The following JPT2 variants were observed in gnomAD, a reference collection of about 807,000 sequenced individuals.
The protein encoded by JPT2 is Jupiter microtubule associated homolog 2.
In JPT2, 9 loss-of-function variants were observed where a neutral mutation model predicts 15.9. That is an observed-to-expected ratio of 0.57 (90% CI 0.34 to 0.99). The LOEUF is 0.99. JPT2 is among the 50% of genes least tolerant of loss of function. The probability of loss-of-function intolerance (pLI) is 0.02; values close to 1 mark genes in which losing one functional copy is unlikely to be tolerated. For missense variants in JPT2, 267 were observed against 252.1 expected (o/e 1.06, Z -0.40); for synonymous variants, 95 against 91.7 (o/e 1.04, Z -0.21).
Position 1,702,078 on chromosome 16 carries a change from T to G in JPT2, c.*3080T>G, listed in dbSNP as rs2037183829. 1 of 452,070 alleles carries G rather than the reference T, an allele frequency of 2.2e-6. No homozygotes were observed. The allele number at this position is 452,070 out of a possible 1,614,324, so 28.0% of individuals were successfully genotyped here. A position where few individuals can be genotyped will look rare whatever the true frequency, so the allele number is the denominator to read the frequency against. ...AAAATAAAAAACAGATTGGATGTCT[T>G]TCTTCTGATGTATTAGCTATTTTCA... is the stretch of plus-strand genomic sequence containing the variant. On this transcript the variant is annotated 3_prime_UTR_variant, in exon 5 of 5. Transcript: ENST00000248098.
chr16:1,684,516 G>A (rs2037049504), intron 1 of JPT2, among the ~76,000 whole-genome samples: 1 of 151,938 alleles, frequency 6.6e-6, no homozygotes, highest in South Asian at 2.1e-4. Flanking sequence ...CGAGGCAGGT[G>A]GATCACCCCA....
In JPT2 at chr16:1,683,560, G is replaced by A. The variant is rs1489509666; in HGVS notation, c.45-1879G>A. On this transcript the variant is annotated intron_variant, in intron 1 of 4. Transcript: ENST00000248098. ...TGGCATCCACCTCCCCCAGCCTCCT[G>A]AGTGGACAGGGGCCCTGGGCACCAC... The A allele has an allele frequency of 5.2e-6, 8 of 1,535,488 alleles. No homozygotes were observed. In the African/African-American group the frequency reaches 5.5e-5, roughly 11 times the overall value.
intron 3 of JPT2, chr16:1,692,291 G>A (rs1253960767): frequency 5.4e-6 from 2 of 367,606 alleles, no homozygotes; most frequent in African/African-American, 2.1e-5. Flanking sequence ...GGTGGGGAGC[G>A]GAACGTGCCG....
Position 1,686,885 on chromosome 16 carries a change from C to T in JPT2, c.193+1298C>T, listed in dbSNP as rs1242308544. Among the ~76,000 whole-genome samples, 3 of 152,226 alleles carry T rather than the reference C, an allele frequency of 2.0e-5. No individual in the cohort carries two copies. The East Asian group carries it at 5.8e-4, about 29-fold the overall frequency. ...TGTCAGGCAGGTCATGAATCAGAGC[C>T]AGATCCACTCCCGACCTCACTCCGT... On this transcript the variant is annotated intron_variant, in intron 2 of 4. Coordinates refer to ENST00000248098, the MANE Select transcript of JPT2 (RefSeq NM_144570.3).
chr16:1,679,057 C>G (rs2036998740), intron 1 of JPT2, among the ~76,000 whole-genome samples: 2 of 152,334 alleles, frequency 1.3e-5, no homozygotes, highest in South Asian at 4.1e-4. Context: ...CTTTAATAGC[C>G]AGGAACACTG....
chr16:1,678,551 C>A (rs188083821), intron 1 of JPT2, among the ~76,000 whole-genome samples, 195 bp downstream of exon 1: 1 of 152,102 alleles, frequency 6.6e-6, no homozygotes, highest in African/African-American at 2.4e-5. Flanking sequence ...AGGGGCCGCT[C>A]GCTGAGGCCC....
In JPT2 at chr16:1,700,328, C is replaced by G. The variant is rs1460927666; in HGVS notation, c.*1330C>G. On this transcript the variant is annotated 3_prime_UTR_variant, in exon 5 of 5. Transcript: ENST00000248098. Reference sequence around the variant, plus strand: ...CAGGCAGAAGCCTCTGCCCATCCCCCTCAAGGGCTGCAGGCCCAGTTCTCA... The same window carrying G: ...CAGGCAGAAGCCTCTGCCCATCCCCGTCAAGGGCTGCAGGCCCAGTTCTCA... 2 of 349,850 alleles carry G rather than the reference C, an allele frequency of 5.7e-6. No homozygotes were observed. Among genetic ancestry groups the G allele is most frequent in the South Asian group, 4.1e-5 (2 of 48,508 alleles). 21.7% of individuals were successfully genotyped at this position (349,850 alleles called of 1,614,324 possible).
chr16:1,684,738 C>T (rs576413740), intron 1 of JPT2, among the ~76,000 whole-genome samples: 5 of 151,172 alleles, frequency 3.3e-5, no homozygotes, highest in African/African-American at 9.7e-5. Context: ...AGTAAAACTC[C>T]GTCTCAAAAA....
At chr16:1,691,010 C>T (rs186635466) in intron 2 of JPT2, among the ~76,000 whole-genome samples, 2 of 152,338 alleles carry the variant, frequency 1.3e-5, no homozygotes, top group East Asian at 3.9e-4. Flanking sequence ...AGCAAGTTAG[C>T]AGAATGCATC....
intron 2 of JPT2, chr16:1,685,952 G>A: frequency 5.2e-6 from 1 of 194,106 alleles, no homozygotes; most frequent in South Asian, 1.0e-4. Context: ...GGGAGGGAGA[G>A]TGTTTTTATT....
chr16:1,685,359 T>A, intron 1 of JPT2, 80 bp from the exon 2 acceptor site: 1 of 1,453,256 alleles, frequency 6.9e-7, no homozygotes. Flanking sequence ...TTTTACCCTG[T>A]CTAGTTGTGC....
rs760852209 is a variant in JPT2, at chr16:1,699,037, C to T, written c.*39C>T. 5.0e-6 allele frequency: 8 copies of T among 1,591,810 alleles called. No individual in the cohort carries two copies. The highest frequency in any genetic ancestry group is 6.9e-6 in the Non-Finnish European group (8 of 1,162,246). ...TCCACCCGGAGCCAGACCAGAAACTCAAGAGATAGGGTAGCCATGTTTTCA... is the reference window on the plus strand; with the variant it reads ...TCCACCCGGAGCCAGACCAGAAACTTAAGAGATAGGGTAGCCATGTTTTCA... On this transcript the variant is annotated 3_prime_UTR_variant, in exon 5 of 5. Transcript: ENST00000248098.
Position 1,698,475 on chromosome 16 carries a change from T to C in JPT2, c.386-336T>C, listed in dbSNP as rs1462685511. On this transcript the variant is annotated intron_variant, in intron 4 of 4. Coordinates refer to ENST00000248098, the MANE Select transcript of JPT2 (RefSeq NM_144570.3). The surrounding 1 kb of genome is among the most constrained non-coding windows in gnomAD (Gnocchi z 4.9). ...TAGGATGCATTCCCTCGCCGCCTCA[T>C]GGTCACTCTCAGGGGCTTGCTTTCT... Among the ~76,000 whole-genome samples, 3 of 152,210 alleles carry C rather than the reference T, an allele frequency of 2.0e-5. No individual in the cohort carries two copies. The highest frequency in any genetic ancestry group is 7.2e-5 in the African/African-American group (3 of 41,458).
chr16:1,688,993 G>A (rs1329641072), intron 2 of JPT2: 1 of 152,210 alleles, frequency 6.6e-6, no homozygotes, highest in African/African-American at 2.4e-5. Context: ...TCAGGAGTGT[G>A]GTAACCTTGG....
chr16:1,681,128 C>T (rs940190538), intron 1 of JPT2, among the ~76,000 whole-genome samples: 3 of 152,222 alleles, frequency 2.0e-5, no homozygotes, highest in Non-Finnish European at 2.9e-5. Flanking sequence ...AGCGTTCCCC[C>T]TCCCCCTATT....
chr16:1,682,596 C>T (rs1258260862), intron 1 of JPT2, among the ~76,000 whole-genome samples: 1 of 151,624 alleles, frequency 6.6e-6, no homozygotes. Context: ...CGCCTGAACC[C>T]AGGAGGTGGA....
In JPT2 at chr16:1,699,036, T is replaced by C. The variant is rs773614027; in HGVS notation, c.*38T>C. 6.3e-7 allele frequency: 1 copy of C among 1,593,356 alleles called. No individual in the cohort carries two copies. The highest frequency in any genetic ancestry group is 8.6e-7 in the Non-Finnish European group (1 of 1,163,598). The stretch of plus-strand genomic sequence containing the variant: ...CTCCACCCGGAGCCAGACCAGAAAC[T>C]CAAGAGATAGGGTAGCCATGTTTTC... On this transcript the variant is annotated 3_prime_UTR_variant, in exon 5 of 5. Coordinates refer to ENST00000248098, the MANE Select transcript of JPT2 (RefSeq NM_144570.3).
At position 1,685,913 on chromosome 16, in the gene JPT2, A is replaced by C. The variant is rs565490579; in HGVS notation, c.193+326A>C. ...CATGAGATTCCTGAAATTGCGTGCA[A>C]ATTATTGTGCATTTAAACATTTTTC... On this transcript the variant is annotated intron_variant, in intron 2 of 4. Transcript: ENST00000248098. The C allele has an allele frequency of 1.0e-4, 24 of 229,070 alleles. No homozygotes were observed. The South Asian group carries it at 2.2e-3, about 21-fold the overall frequency. The allele number at this position is 229,070 out of a possible 1,614,324, so 14.2% of individuals were successfully genotyped here.
chr16:1,693,508 T>A (rs2037118760), intron 3 of JPT2, among the ~76,000 whole-genome samples: 1 of 152,136 alleles, frequency 6.6e-6, no homozygotes, highest in Admixed American at 6.5e-5. Flanking sequence ...CAGCAATTCC[T>A]CTACTACGTA....
Sources: gnomAD v4.1 joint callset for allele counts (sites outside exome capture counted in the v4.1 genomes callset) on GRCh38, gnomAD v4.1.1 for gene constraint, Gnocchi (gnomAD v3.1) non-coding constraint, MANE v1.5 for transcripts, NCBI Gene and HGNC (gene_info 2026-07-23, HGNC 2026-07-21) for gene names.